The following ZNF761 variants were observed in gnomAD, a reference collection of about 807,000 sequenced individuals.
ZNF761 encodes zinc finger protein 761.
In ZNF761, 43 loss-of-function variants were observed where a neutral mutation model predicts 59.9. That is an observed-to-expected ratio of 0.72 (90% confidence interval 0.56 to 0.92). ZNF761 has a LOEUF of 0.92. Among genes scored for constraint, ZNF761 ranks in the 40% least tolerant of loss-of-function variants. ZNF761 has a pLI of 0.00. For synonymous variants in ZNF761, 294 were observed against 304.8 expected, an observed-to-expected ratio of 0.96 and a Z score of 0.37; for missense variants, 850 against 906.1, an observed-to-expected ratio of 0.94 and a Z score of 0.79.
Position 53,457,065 on chromosome 19 carries a change from A to G in ZNF761, c.*317A>G. The G allele has an allele frequency of 4.8e-6, 3 of 628,700 alleles. No homozygotes were observed. The highest frequency in any genetic ancestry group is 8.4e-6 in the Non-Finnish European group (3 of 358,682). 38.9% of individuals were successfully genotyped at this position (628,700 alleles called of 1,614,324 possible). A position where few individuals can be genotyped will look rare whatever the true frequency, so the allele number is the denominator to read the frequency against. On this transcript the variant is annotated 3_prime_UTR_variant, in exon 5 of 5. Coordinates refer to ENST00000684525, the MANE Select transcript of ZNF761 (RefSeq NM_001289951.2). Reference sequence around the variant, plus strand: ...ACATGCTAGAATTCACACTGGAGAGAAACCTTACCAGTGTAATGAGTGTGG... The same window carrying G: ...ACATGCTAGAATTCACACTGGAGAGGAACCTTACCAGTGTAATGAGTGTGG...
At chr19:53,439,369 G>T (rs1286142319) in intron 1 of ZNF761, among the ~76,000 whole-genome samples, 1 of 151,890 alleles carries the variant, frequency 6.6e-6, no homozygotes, top group Non-Finnish European at 1.5e-5. Context: ...GCACTGGCGT[G>T]GTCTCGGCTC....
chr19:53,433,913 C>G (rs536853149), intron 1 of ZNF761, among the ~76,000 whole-genome samples: 3 of 152,140 alleles, frequency 2.0e-5, no homozygotes, highest in Admixed American at 6.5e-5. Context: ...TTCATTCTTA[C>G]AGTTATTTCT....
chr19:53,443,441 A>C (rs1451585293), intron 1 of ZNF761: 1 of 152,416 alleles, frequency 6.6e-6, no homozygotes, highest in African/African-American at 2.4e-5. Context: ...AGGTGGGTCC[A>C]GGGGGCCAAC....
intron 1 of ZNF761, among the ~76,000 whole-genome samples, chr19:53,439,798 T>A (rs1329604834): frequency 2.0e-5 from 3 of 152,148 alleles, no homozygotes; most frequent in Admixed American, 6.5e-5. Flanking sequence ...TAAAATCTTA[T>A]GTTTATAGAG....
rs1265587237 is a variant in ZNF761 at position 53,457,776 on chromosome 19, C to T, written c.*1028C>T. ...CCAAGGTGGGTAGATCACTTGAGGTCAGGAGTTTGAGATCAGCCTGGCCAA... is the reference window on the plus strand; with the variant it reads ...CCAAGGTGGGTAGATCACTTGAGGTTAGGAGTTTGAGATCAGCCTGGCCAA... On this transcript the variant is annotated 3_prime_UTR_variant, in exon 5 of 5. Transcript: ENST00000684525. 6.4e-6 allele frequency: 1 copy of T among 157,102 alleles called. No homozygotes were observed. Among genetic ancestry groups the T allele is most frequent in the East Asian group, 1.9e-4 (1 of 5,216 alleles). The allele number at this position is 157,102 out of a possible 1,614,324, so 9.7% of individuals were successfully genotyped here. A position where few individuals can be genotyped will look rare whatever the true frequency, so the allele number is the denominator to read the frequency against.
intron 3 of ZNF761, among the ~76,000 whole-genome samples, 174 bp downstream of exon 3, chr19:53,447,457 A>C (rs2080545157): frequency 6.6e-6 from 1 of 152,106 alleles, no homozygotes; most frequent in South Asian, 2.1e-4. Context: ...CTCGTGATCC[A>C]GTGAGATGAA....
intron 1 of ZNF761, chr19:53,444,490 C>A (rs1269259648): frequency 1.3e-5 from 2 of 152,116 alleles, no homozygotes; most frequent in East Asian, 1.9e-4. Context: ...GACACAGAGA[C>A]CTTTGCTTAC....
intron 3 of ZNF761, among the ~76,000 whole-genome samples, chr19:53,447,615 T>C (rs1600092901): frequency 6.6e-6 from 1 of 152,140 alleles, no homozygotes; most frequent in African/African-American, 2.4e-5. Flanking sequence ...CAGCTCTCTG[T>C]GGACCAGTAT....
Position 53,455,945 on chromosome 19 carries a change from A to G in ZNF761, c.1438A>G (p.Asn480Asp). The change falls in exon 5 of 5, where the codon AAC becomes GAC. Residue 480 changes from asparagine to aspartate, a missense_variant. Coordinates refer to ENST00000684525, the MANE Select transcript of ZNF761 (RefSeq NM_001289951.2). ...ECDKAFRFKS[N>D]LERHRRIHTG... ...TGACAAAGCTTTCCGTTTCAAATCA[A>G]ACCTTGAAAGACATAGGAGAATTCA... 8.1e-6 allele frequency: 13 copies of G among 1,613,308 alleles called. No individual in the cohort carries two copies. The highest frequency in any genetic ancestry group is 1.1e-5 in the Non-Finnish European group (13 of 1,179,816).
rs143454974 is a variant in ZNF761 at position 53,449,374 on chromosome 19, C to T, written c.16-138C>T. The T allele has an allele frequency of 1.2e-3, 1,922 of 1,595,084 alleles. 21 individuals carry two copies. The African/African-American group carries it at 0.023, about 19-fold the overall frequency. On this transcript the variant is annotated intron_variant, in intron 3 of 4. Transcript: ENST00000684525. Reference sequence around the variant, plus strand: ...AAAACACAACTGGGAAGACAAAATGCGGTGAAAAATCCCTTACTCAGATTT... The same window carrying T: ...AAAACACAACTGGGAAGACAAAATGTGGTGAAAAATCCCTTACTCAGATTT...
intron 1 of ZNF761, among the ~76,000 whole-genome samples, chr19:53,439,101 T>A (rs945377663): frequency 4.6e-5 from 7 of 151,956 alleles, no homozygotes; most frequent in Admixed American, 2.0e-4. Context: ...TGAAACCCTG[T>A]CTTTACCAAA....
chr19:53,435,353 G>A (rs2086029302), intron 1 of ZNF761, among the ~76,000 whole-genome samples: 1 of 121,774 alleles, frequency 8.2e-6, no homozygotes, highest in Admixed American at 1.1e-4. Context: ...TGCCCAGTCT[G>A]GAGTGCAATG....
rs149374373 is a variant in ZNF761 at position 53,438,304 on chromosome 19, A to G, written c.-185+6276A>G. 4.7e-3 allele frequency among the ~76,000 whole-genome samples: 711 copies of G among 152,328 alleles called. 5 individuals are homozygous for G. The highest frequency in any genetic ancestry group is 7.0e-3 in the Non-Finnish European group (477 of 68,032). Reference sequence around the variant, plus strand: ...GTTGCTGTCCTAGAGTTAATTTGCTAGCTTCTTGTGTTAACAAGATGGTGG... The same window carrying G: ...GTTGCTGTCCTAGAGTTAATTTGCTGGCTTCTTGTGTTAACAAGATGGTGG... On this transcript the variant is annotated intron_variant, in intron 1 of 4. Coordinates refer to ENST00000684525, the MANE Select transcript of ZNF761 (RefSeq NM_001289951.2).
Position 53,449,570 on chromosome 19 carries a change from T to C in ZNF761, c.74T>C (p.Leu25Pro). The change falls in exon 4 of 5, where the codon CTG becomes CCG. Residue 25 changes from leucine (L) to proline (P), a missense_variant. Coordinates refer to ENST00000684525, the MANE Select transcript of ZNF761 (RefSeq NM_001289951.2). ...IEFSQEEWKC[L>P]DPAQRTLYRD... The stretch of plus-strand genomic sequence containing the variant: ...TTCTCTCAGGAGGAGTGGAAATGCC[T>C]GGACCCTGCTCAGAGGACTCTATAC... 2 of 1,613,724 alleles carry C rather than the reference T, an allele frequency of 1.2e-6. No individual in the cohort carries two copies. The highest frequency in any genetic ancestry group is 1.1e-5 in the South Asian group (1 of 91,036).
intron 4 of ZNF761, among the ~76,000 whole-genome samples, chr19:53,452,354 A>G (rs2086229271): frequency 6.6e-6 from 1 of 152,134 alleles, no homozygotes; most frequent in South Asian, 2.1e-4. Context: ...ATGCTGGCGC[A>G]TGGCTGTTAT....
chr19:53,451,497 G>A (rs557084265), intron 4 of ZNF761, among the ~76,000 whole-genome samples: 9 of 152,178 alleles, frequency 5.9e-5, no homozygotes, highest in South Asian at 4.1e-4. Flanking sequence ...TTGAACCACC[G>A]CACCCAGCCT....
chr19:53,449,799 C>T, intron 4 of ZNF761, 161 bp downstream of exon 4: 2 of 1,432,268 alleles, frequency 1.4e-6, no homozygotes. Flanking sequence ...AGTGATTGTC[C>T]CACCTCAGCC....
chr19:53,432,449 G>A (rs2085981190), intron 1 of ZNF761, among the ~76,000 whole-genome samples: 1 of 152,134 alleles, frequency 6.6e-6, no homozygotes, highest in Non-Finnish European at 1.5e-5. Context: ...GCCTTAAGGT[G>A]CTGTCGCCCC....
rs954576882 is a variant in ZNF761 at position 53,457,910 on chromosome 19, A to G, written c.*1162A>G. On this transcript the variant is annotated 3_prime_UTR_variant, in exon 5 of 5. Coordinates refer to ENST00000684525, the MANE Select transcript of ZNF761 (RefSeq NM_001289951.2). The stretch of plus-strand genomic sequence containing the variant: ...AATCACATTGGGTTATTATATAATC[A>G]TTTCACAATATTAATTTTTCCAAGC... 2.6e-5 allele frequency: 4 copies of G among 152,588 alleles called. No individual in the cohort carries two copies. The highest frequency in any genetic ancestry group is 4.8e-5 in the African/African-American group (2 of 41,570). 9.5% of individuals were successfully genotyped at this position (152,588 alleles called of 1,614,324 possible). A position where few individuals can be genotyped will look rare whatever the true frequency, so the allele number is the denominator to read the frequency against.
Sources: allele counts gnomAD v4.1 joint callset (sites outside exome capture counted in the v4.1 genomes callset), GRCh38; gene constraint gnomAD v4.1.1; transcripts MANE v1.5; gene names NCBI Gene and HGNC (gene_info 2026-07-23, HGNC 2026-07-21).